The following RFX8 variants were observed in gnomAD, a reference collection of about 807,000 sequenced individuals.
RFX8 encodes regulatory factor X8, also known as DNA-binding protein RFX8.
Under a neutral mutation model 54.6 loss-of-function variants are expected in RFX8, and 46 were observed. The observed-to-expected ratio is 0.84, with a 90% CI of 0.67 to 1.08. RFX8 has a LOEUF of 1.08. Ranked by LOEUF, RFX8 falls within the 50% of genes least tolerant of loss-of-function variation. The probability of loss-of-function intolerance (pLI) is 0.00; values close to 1 mark genes in which losing one functional copy is unlikely to be tolerated. For missense variants in RFX8, 536 were observed against 562.3 expected (o/e 0.95, Z 0.47); for synonymous variants, 192 against 209.5 (o/e 0.92, Z 0.72).
chr2:101,471,739 G>T (rs1690009287), intron 1 of RFX8, among the ~76,000 whole-genome samples: 1 of 152,158 alleles, frequency 6.6e-6, no homozygotes, highest in Non-Finnish European at 1.5e-5. Context: ...ATTACCTCTG[G>T]CCCCTGAGAC....
At chr2:101,422,695 T>C (rs1472849276) in intron 2 of RFX8, among the ~76,000 whole-genome samples, 1 of 152,206 alleles carries the variant, frequency 6.6e-6, no homozygotes, top group African/African-American at 2.4e-5. Flanking sequence ...AGGGAAGGGA[T>C]AGGATTTAAT....
rs1021188559 is a variant in RFX8 at position 101,413,055 on chromosome 2, A to T, written c.578T>A (p.Leu193Ter). 4 of 1,552,014 alleles carry T rather than the reference A, an allele frequency of 2.6e-6. No individual in the cohort carries two copies. The South Asian group carries it at 4.8e-5, about 18-fold the overall frequency. The change falls in exon 8 of 12, where the codon TTG (leucine) becomes TAG (stop). Residue 193 changes from leucine to a stop codon, truncating the protein, a stop_gained. Transcript: ENST00000428343. LOFTEE classifies it high-confidence loss of function. ...AACGCTGACACGCCTCTTACTTTTCAATACCATTCGCATAGTCTAAAGATA... is the reference window on the plus strand; with the variant it reads ...AACGCTGACACGCCTCTTACTTTTCTATACCATTCGCATAGTCTAAAGATA... ...SNMAKTMRMV[L>*]KSKRRVSVLK... is the part of the protein sequence containing the mutation.
At chr2:101,465,925 A>G (rs1290139246) in intron 2 of RFX8, among the ~76,000 whole-genome samples, 1 of 152,204 alleles carries the variant, frequency 6.6e-6, no homozygotes, top group Non-Finnish European at 1.5e-5. Flanking sequence ...CAGGGAGGCA[A>G]AGGGAAGACA....
Position 101,405,989 on chromosome 2 carries a change from GAGA to G in RFX8, c.879_881del (p.Leu294del), listed in dbSNP as rs140084999. 2,707 of 1,549,328 alleles carry G rather than the reference GAGA, an allele frequency of 1.7e-3. 47 individuals are homozygous for G. The African/African-American group carries it at 0.029, about 17-fold the overall frequency. ...GGGTCATGGCTTTGCTTACAGCAGT[GAGA>G]AGAAGATTCCATCTCAGCTGGAAGC... On this transcript the variant is annotated inframe_deletion, in exon 10 of 12. Coordinates refer to ENST00000428343, the MANE Select transcript of RFX8 (RefSeq NM_001145664.2).
intron 2 of RFX8, among the ~76,000 whole-genome samples, chr2:101,460,584 A>G (rs1296034798): frequency 6.6e-6 from 1 of 151,948 alleles, no homozygotes; most frequent in East Asian, 1.9e-4. Context: ...GCATGTTGAG[A>G]GTGGAAATCC....
chr2:101,417,444 G>T (rs534486993), intron 6 of RFX8, 90 bp downstream of exon 6: 1 of 1,229,996 alleles, frequency 8.1e-7, no homozygotes, highest in Non-Finnish European at 1.1e-6. Context: ...GGCCTCAAGC[G>T]ATCCTCCTGC....
intron 2 of RFX8, among the ~76,000 whole-genome samples, chr2:101,440,762 AGCGCAGTG>A: frequency 1.3e-5 from 2 of 152,274 alleles, no homozygotes; most frequent in Admixed American, 1.3e-4. Flanking sequence ...GGAGATCCCT[AGCGCAGTG>A]GTGAGATTTG....
intron 2 of RFX8, among the ~76,000 whole-genome samples, chr2:101,463,569 C>T (rs1689405734): frequency 6.6e-6 from 1 of 152,206 alleles, no homozygotes; most frequent in Non-Finnish European, 1.5e-5. Context: ...CGGTCAGCCA[C>T]AGCAGCCCTG....
intron 2 of RFX8, among the ~76,000 whole-genome samples, chr2:101,427,831 C>A (rs1573406966): frequency 6.6e-6 from 1 of 152,216 alleles, no homozygotes; most frequent in Non-Finnish European, 1.5e-5. Flanking sequence ...AGTAGAGGGA[C>A]TTTGTTTGTT....
chr2:101,416,905 G>C (rs1686551054), intron 6 of RFX8, among the ~76,000 whole-genome samples: 1 of 152,170 alleles, frequency 6.6e-6, no homozygotes, highest in Non-Finnish European at 1.5e-5. Context: ...AGACAGAAGG[G>C]GAAAGCATTC....
chr2:101,428,447 T>C (rs1687307220), intron 2 of RFX8, among the ~76,000 whole-genome samples: 1 of 152,210 alleles, frequency 6.6e-6, no homozygotes, highest in Non-Finnish European at 1.5e-5. Flanking sequence ...CGCTGGCACC[T>C]GGGACTTCCA....
chr2:101,413,562 GCCTGGGATGCA>G (rs372030925), intron 7 of RFX8, among the ~76,000 whole-genome samples: 65 of 152,318 alleles, frequency 4.3e-4, no homozygotes, highest in African/African-American at 1.5e-3. Flanking sequence ...CTGTCCGACT[GCCTGGGATGCA>G]CCTGGTTGTC....
Position 101,397,646 on chromosome 2 carries a change from T to G in RFX8, c.1324A>C (p.Ile442Leu). The G allele has an allele frequency of 4.5e-6, 7 of 1,551,570 alleles. No individual in the cohort carries two copies. The highest frequency in any genetic ancestry group is 5.2e-6 in the Non-Finnish European group (6 of 1,146,910). Residue 442 changes from isoleucine (I) to leucine (L), a missense_variant, in exon 12 of 12, where the codon ATA becomes CTA. Transcript: ENST00000428343. ...LSLPMGQEAL[I>L]TLKDGQQFVI... is the part of the protein sequence containing the mutation. ...AATTGTTGTCCATCTTTTAGGGTTA[T>G]GAGGGCTTCTTGTCCCATAGGAAGG...
chr2:101,474,206 G>A, intron 1 of RFX8: 2 of 631,278 alleles, frequency 3.2e-6, no homozygotes, highest in Non-Finnish European at 2.8e-6. Flanking sequence ...GCTCACCACT[G>A]GATGACGCCG....
intron 2 of RFX8, among the ~76,000 whole-genome samples, chr2:101,442,754 C>T (rs951966331): frequency 1.3e-5 from 2 of 152,084 alleles, no homozygotes; most frequent in Non-Finnish European, 2.9e-5. Context: ...TCTGGGCCTC[C>T]CACTGGTTCC....
chr2:101,459,530 G>T (rs912390384), intron 2 of RFX8, among the ~76,000 whole-genome samples: 1 of 152,172 alleles, frequency 6.6e-6, no homozygotes, highest in Non-Finnish European at 1.5e-5. Context: ...GTTTGCCAGG[G>T]TATCACCAGC....
chr2:101,415,037 C>T lies in RFX8; in HGVS notation c.503-125G>A, dbSNP rs1355030111. The T allele has an allele frequency of 8.9e-6, 6 of 673,060 alleles. No homozygotes were observed. The East Asian group carries it at 1.4e-4, about 16-fold the overall frequency. The allele number at this position is 673,060 out of a possible 1,614,324, so 41.7% of individuals were successfully genotyped here. A position where few individuals can be genotyped will look rare whatever the true frequency, so the allele number is the denominator to read the frequency against. On this transcript the variant is annotated intron_variant, in intron 6 of 11. Coordinates refer to ENST00000428343, the MANE Select transcript of RFX8 (RefSeq NM_001145664.2). ...CTGGCTAAACTGCAACTTCCCCCAC[C>T]CCCGTGTCTGCTGGCCCTCTCTGAG...
chr2:101,412,336 G>A (rs1210591142), intron 8 of RFX8, among the ~76,000 whole-genome samples: 1 of 152,204 alleles, frequency 6.6e-6, no homozygotes, highest in Non-Finnish European at 1.5e-5. Flanking sequence ...AGCAACGCAA[G>A]CTCTTTATGG....
chr2:101,452,309 T>G (rs1013281452), intron 2 of RFX8: 27 of 825,266 alleles, frequency 3.3e-5, no homozygotes, highest in Admixed American at 9.8e-5. Context: ...TTGTTTTGCA[T>G]TTTTTATCAT....
Sources: allele counts gnomAD v4.1 joint callset (sites outside exome capture counted in the v4.1 genomes callset), GRCh38; gene constraint gnomAD v4.1.1; transcripts MANE v1.5; gene names NCBI Gene and HGNC (gene_info 2026-07-23, HGNC 2026-07-21).